Variants in AAK1 observed in about 807,000 individuals in gnomAD.
AAK1 encodes AP2-associated protein kinase 1.
AAK1 carries 37 observed loss-of-function variants against 116.0 expected under a neutral mutation model. That is an observed-to-expected ratio of 0.32 (90% CI 0.25 to 0.42). The LOEUF (loss-of-function observed/expected upper bound fraction) is 0.42. Ranked by LOEUF, AAK1 falls within the 10% of genes least tolerant of loss-of-function variation. AAK1 has a pLI of 1.00. For synonymous variants in AAK1, 458 were observed against 439.9 expected (o/e 1.04, Z -0.51); for missense variants, 919 against 1,170.6 (o/e 0.79, Z 3.14).
chr2:69,578,039 C>T (rs1051862484), intron 2 of AAK1, among the ~76,000 whole-genome samples: 1 of 152,166 alleles, frequency 6.6e-6, no homozygotes, highest in African/African-American at 2.4e-5. Context: ...GCATTCTCCA[C>T]CCCCTTCCCT....
rs1004810463 is a variant in AAK1, at chr2:69,473,188, A to C, written c.*2681T>G. The C allele has an allele frequency of 1.7e-5, 13 of 787,536 alleles. No homozygotes were observed. Among genetic ancestry groups the C allele is most frequent in the Non-Finnish European group, 2.0e-5 (13 of 649,464 alleles). The allele number at this position is 787,536 out of a possible 1,614,324, so 48.8% of individuals were successfully genotyped here. A position where few individuals can be genotyped will look rare whatever the true frequency, so the allele number is the denominator to read the frequency against. ...CCAGTGGCTGGCAAGGGCCAGGATG[A>C]GATCCCAGGTGGCCTGTCCTGCCCA... On this transcript the variant is annotated 3_prime_UTR_variant, in exon 22 of 22. Transcript: ENST00000409085.
At chr2:69,577,667 A>G (rs1672368993) in intron 2 of AAK1, among the ~76,000 whole-genome samples, 1 of 151,942 alleles carries the variant, frequency 6.6e-6, no homozygotes, top group Admixed American at 6.6e-5. Flanking sequence ...CCTAACCCCT[A>G]CTCTTGTCCT....
At chr2:69,516,474 G>C (rs1676586784) in intron 12 of AAK1, among the ~76,000 whole-genome samples, 1 of 151,976 alleles carries the variant, frequency 6.6e-6, no homozygotes, top group African/African-American at 2.4e-5. Context: ...GAAACAACAA[G>C]CAATCCATTA....
chr2:69,523,954 G>A (rs1327789440), intron 10 of AAK1, among the ~76,000 whole-genome samples: 1 of 152,236 alleles, frequency 6.6e-6, no homozygotes, highest in Non-Finnish European at 1.5e-5. Flanking sequence ...GCCTTCCGAT[G>A]GCACTCCCAG....
intron 18 of AAK1, chr2:69,481,598 A>G (rs1350536018): frequency 6.6e-6 from 1 of 152,182 alleles, no homozygotes; most frequent in Non-Finnish European, 1.5e-5. Flanking sequence ...CTTTCTGCCC[A>G]AAGGCATTAT....
At position 69,505,777 on chromosome 2, in the gene AAK1, C is replaced by A. The variant is rs1241227895; in HGVS notation, c.2165-104G>T. 173 of 717,086 alleles carry A rather than the reference C, an allele frequency of 2.4e-4. No homozygotes were observed. The East Asian group carries it at 5.1e-3, about 21-fold the overall frequency. 44.4% of individuals were successfully genotyped at this position (717,086 alleles called of 1,614,324 possible). ...TCTCTGAACTGACTTCTGGACTTGA[C>A]TACTTTTACTGCATTATGGCGACAC... On this transcript the variant is annotated intron_variant, in intron 15 of 21. Transcript: ENST00000409085.
rs574490585 is a variant in AAK1, at chr2:69,493,158, C to CAAAAAAAAAAAAAA, written c.2365+2813_2365+2826dup. On this transcript the variant is annotated intron_variant, in intron 17 of 21. Coordinates refer to ENST00000409085, the MANE Select transcript of AAK1 (RefSeq NM_014911.5). Reference sequence around the variant, plus strand: ...TGGGCGACAGAGCGAGACTCCGTCTCAAAAAAAAAAAAAAAAAAAGGATGC... The same window carrying CAAAAAAAAAAAAAA: ...TGGGCGACAGAGCGAGACTCCGTCTCAAAAAAAAAAAAAAAAAAAAAAAAAAAAAAAAAGGATGC... Among the ~76,000 whole-genome samples, 150 of 37,548 alleles carry CAAAAAAAAAAAAAA rather than the reference C, an allele frequency of 4.0e-3. 16 individuals carry two copies. The highest frequency in any genetic ancestry group is 8.2e-3 in the South Asian group (6 of 734). The allele number at this position is 37,548 out of a possible 152,430, so 24.6% of individuals were successfully genotyped here. A position where few individuals can be genotyped will look rare whatever the true frequency, so the allele number is the denominator to read the frequency against.
chr2:69,477,482 G>A (rs34711913), intron 20 of AAK1, among the ~76,000 whole-genome samples: 22,586 of 152,014 alleles, frequency 0.15, 1,841 homozygotes, highest in Non-Finnish European at 0.17. Flanking sequence ...ACTGCACTGT[G>A]ACTGGGAAAA....
chr2:69,541,245 T>A (rs926298101), intron 5 of AAK1, among the ~76,000 whole-genome samples: 2 of 143,440 alleles, frequency 1.4e-5, no homozygotes, highest in African/African-American at 5.7e-5. Context: ...TTTTTTTTTT[T>A]TTTGAGGCAG....
chr2:69,626,483 AAATT>A (rs1265064422), intron 2 of AAK1, among the ~76,000 whole-genome samples: 28 of 150,268 alleles, frequency 1.9e-4, no homozygotes, highest in Non-Finnish European at 3.7e-4. Flanking sequence ...TTTTAAAATT[AAATT>A]AATTAATTAT....
chr2:69,472,026 T>C lies in AAK1; in HGVS notation c.*3843A>G, dbSNP rs1674698938. 1 of 985,394 alleles carries C rather than the reference T, an allele frequency of 1.0e-6. No individual in the cohort carries two copies. The highest frequency in any genetic ancestry group is 1.2e-6 in the Non-Finnish European group (1 of 829,886). The allele number at this position is 985,394 out of a possible 1,614,324, so 61.0% of individuals were successfully genotyped here. Reference sequence around the variant, plus strand: ...AGCGAAGTCCAATATCAAATAACACTGAACAAAGTGACAACTTCTTTCAGA... The same window carrying C: ...AGCGAAGTCCAATATCAAATAACACCGAACAAAGTGACAACTTCTTTCAGA... On this transcript the variant is annotated 3_prime_UTR_variant, in exon 22 of 22. Transcript: ENST00000409085.
At chr2:69,528,471 T>C (rs1322423661) in intron 8 of AAK1, among the ~76,000 whole-genome samples, 1 of 152,162 alleles carries the variant, frequency 6.6e-6, no homozygotes, top group Admixed American at 6.5e-5. Context: ...ACAGTGATGT[T>C]CATATAAAGA....
intron 2 of AAK1, among the ~76,000 whole-genome samples, chr2:69,565,524 G>A (rs898818688): frequency 3.3e-5 from 5 of 152,226 alleles, no homozygotes; most frequent in Admixed American, 2.0e-4. Flanking sequence ...CCTAGTGGCC[G>A]GACCAGGGCT....
intron 2 of AAK1, among the ~76,000 whole-genome samples, chr2:69,627,244 G>A (rs1006702228): frequency 1.1e-4 from 17 of 150,232 alleles, no homozygotes; most frequent in African/African-American, 4.0e-4. Flanking sequence ...AGCCGAGACT[G>A]CACCATTACA....
chr2:69,591,074 A>G (rs1377927978), intron 2 of AAK1, among the ~76,000 whole-genome samples: 4 of 152,216 alleles, frequency 2.6e-5, no homozygotes, highest in Non-Finnish European at 5.9e-5. Context: ...CTATGTCCAT[A>G]TTGTATGGAG....
At chr2:69,531,606 T>C in intron 6 of AAK1, 2 of 988,684 alleles carry the variant, frequency 2.0e-6, no homozygotes, top group Non-Finnish European at 2.4e-6. Context: ...CTCACCATTA[T>C]TTCCACTTAG....
chr2:69,551,008 G>A (rs940990661), intron 3 of AAK1, among the ~76,000 whole-genome samples: 1 of 151,252 alleles, frequency 6.6e-6, no homozygotes, highest in Non-Finnish European at 1.5e-5. Flanking sequence ...ATCCCCTATA[G>A]TGAACCACAT....
In AAK1 at chr2:69,465,415, G is replaced by A. The variant is rs1206496026; in HGVS notation, c.*10454C>T. 1.0e-5 allele frequency: 13 copies of A among 1,278,436 alleles called. No homozygotes were observed. The highest frequency in any genetic ancestry group is 2.5e-5 in the South Asian group (2 of 79,552). The allele number at this position is 1,278,436 out of a possible 1,614,324, so 79.2% of individuals were successfully genotyped here. A position where few individuals can be genotyped will look rare whatever the true frequency, so the allele number is the denominator to read the frequency against. The stretch of plus-strand genomic sequence containing the variant: ...ATAGAGACAAGAGGCTTGAGGCTCA[G>A]GTTTTGCTCCTAGGGTTTCTTGCCT... On this transcript the variant is annotated 3_prime_UTR_variant, in exon 22 of 22. Coordinates refer to ENST00000409085, the MANE Select transcript of AAK1 (RefSeq NM_014911.5).
intron 2 of AAK1, among the ~76,000 whole-genome samples, chr2:69,603,792 G>C (rs1673682663): frequency 6.6e-6 from 1 of 152,154 alleles, no homozygotes; most frequent in African/African-American, 2.4e-5. Flanking sequence ...CACAGCGTAA[G>C]GAGCATATTA....
Sources: gnomAD v4.1 joint callset for allele counts (sites outside exome capture counted in the v4.1 genomes callset) on GRCh38, gnomAD v4.1.1 for gene constraint, MANE v1.5 for transcripts, NCBI Gene and HGNC (gene_info 2026-07-23, HGNC 2026-07-21) for gene names.